The following SLAMF6 variants were observed in gnomAD, a reference collection of about 807,000 sequenced individuals.
SLAMF6 encodes NK-T-B-antigen.
SLAMF6 carries 21 observed loss-of-function variants against 38.3 expected under a neutral mutation model. The ratio of observed to expected loss-of-function variants is 0.55; its 90% CI spans 0.39 to 0.79. The LOEUF (loss-of-function observed/expected upper bound fraction) is 0.79. SLAMF6 is among the 30% of genes least tolerant of loss of function. SLAMF6 has a pLI of 0.00. For synonymous variants in SLAMF6, 152 were observed against 146.3 expected (o/e 1.04, Z -0.28); for missense variants, 341 against 385.3 (o/e 0.89, Z 0.96).
intron 1 of SLAMF6, among the ~76,000 whole-genome samples, chr1:160,521,298 T>TG (rs1293445663): frequency 2.0e-5 from 3 of 152,144 alleles, no homozygotes; most frequent in Non-Finnish European, 1.5e-5. Flanking sequence ...CCCATAAATG[T>TG]GGGGCAGTGA....
chr1:160,509,522 G>A (rs1654362189), intron 1 of SLAMF6, among the ~76,000 whole-genome samples: 1 of 151,762 alleles, frequency 6.6e-6, no homozygotes. Context: ...GGAGCTGGGG[G>A]AGGGATAGCA....
At chr1:160,502,783 T>C (rs1371860768) in intron 1 of SLAMF6, among the ~76,000 whole-genome samples, 1 of 152,138 alleles carries the variant, frequency 6.6e-6, no homozygotes, top group Non-Finnish European at 1.5e-5. Flanking sequence ...AACAGGAATA[T>C]AGCAAGCTGT....
rs1653235381 is a variant in SLAMF6, at chr1:160,490,646, A to C, written c.686T>G (p.Phe229Cys). Reference protein sequence around the residue: ...IQYTDTKMILFMVSGICIVFG... With the variant: ...IQYTDTKMILCMVSGICIVFG... ...GACTATGCATATCCCAGAAACCATA[A>C]ACAGAATCATTTTGGTATCTGTATA... is the stretch of plus-strand genomic sequence containing the variant. Residue 229 changes from phenylalanine to cysteine, a missense_variant, in exon 4 of 8, where the codon TTT becomes TGT. Physicochemically the swap from Phe to Cys is radical, Grantham distance 205. Transcript: ENST00000368057. The C allele has an allele frequency of 9.9e-6, 16 of 1,613,886 alleles. No homozygotes were observed. The highest frequency in any genetic ancestry group is 1.3e-5 in the Non-Finnish European group (15 of 1,179,870).
chr1:160,504,872 AC>A (rs1654101249), intron 1 of SLAMF6, among the ~76,000 whole-genome samples: 1 of 152,212 alleles, frequency 6.6e-6, no homozygotes, highest in Non-Finnish European at 1.5e-5. Flanking sequence ...CAGGGTGCAT[AC>A]TTAGAAAAGT....
rs1005658646 is a variant in SLAMF6, at chr1:160,494,735, G to A, written c.382+1326C>T. Among the ~76,000 whole-genome samples, 3 of 152,212 alleles carry A rather than the reference G, an allele frequency of 2.0e-5. No individual in the cohort carries two copies. In the East Asian group the frequency reaches 5.8e-4, roughly 30 times the overall value. ...CAGCCACAAGCCAAAGAAAACCAAG[G>A]AGTGTTGACAGCAACCAGAAGCTGG... On this transcript the variant is annotated intron_variant, in intron 2 of 7. Transcript: ENST00000368057.
chr1:160,508,221 A>G (rs958025794), intron 1 of SLAMF6, among the ~76,000 whole-genome samples: 2 of 152,234 alleles, frequency 1.3e-5, no homozygotes, highest in Non-Finnish European at 2.9e-5. Context: ...AGCAAAAAGA[A>G]CAAAGCTAGA....
At chr1:160,514,555 C>G (rs1654647254) in intron 1 of SLAMF6, among the ~76,000 whole-genome samples, 1 of 152,152 alleles carries the variant, frequency 6.6e-6, no homozygotes, top group African/African-American at 2.4e-5. Flanking sequence ...AATATTCATT[C>G]TATGCATTGC....
At chr1:160,520,703 T>C (rs915341107) in intron 1 of SLAMF6, among the ~76,000 whole-genome samples, 4 of 152,158 alleles carry the variant, frequency 2.6e-5, no homozygotes, top group African/African-American at 9.7e-5. Context: ...TTCAATATGG[T>C]TTGTCTTTTC....
At chr1:160,510,438 A>C (rs982168652) in intron 1 of SLAMF6, among the ~76,000 whole-genome samples, 1 of 152,214 alleles carries the variant, frequency 6.6e-6, no homozygotes, top group African/African-American at 2.4e-5. Context: ...GGTTCAATAC[A>C]TGAAAACCAA....
intron 7 of SLAMF6, 47 bp from the exon 8 acceptor site, chr1:160,486,801 C>A: frequency 6.2e-7 from 1 of 1,603,532 alleles, no homozygotes; most frequent in Non-Finnish European, 8.5e-7. Flanking sequence ...GAACTGGAAC[C>A]TCAGCCCACC....
intron 1 of SLAMF6, among the ~76,000 whole-genome samples, chr1:160,498,074 A>C (rs889628020): frequency 6.6e-6 from 1 of 152,076 alleles, no homozygotes; most frequent in Admixed American, 6.6e-5. Context: ...CCACAGTGAA[A>C]ATTTATATTT....
chr1:160,505,356 G>A (rs571459166), intron 1 of SLAMF6, among the ~76,000 whole-genome samples: 1 of 152,300 alleles, frequency 6.6e-6, no homozygotes, highest in African/African-American at 2.4e-5. Context: ...AACAGAAATT[G>A]TCCCTAAGGA....
Position 160,523,172 on chromosome 1 carries a change from C to T in SLAMF6, c.21G>A (p.Ser7=), listed in dbSNP as rs1655065137. 5 of 1,613,708 alleles carry T rather than the reference C, an allele frequency of 3.1e-6. No homozygotes were observed. The highest frequency in any genetic ancestry group is 2.7e-5 in the African/African-American group (2 of 75,002). The change falls in exon 1 of 8, where the codon TCG becomes TCA. Residue 7 remains serine, a synonymous_variant. Coordinates refer to ENST00000368057, the MANE Select transcript of SLAMF6 (RefSeq NM_001184714.2). MLWLFQ[S]LLFVFCFGPG... ...GGCCAAAGCAGAAGACAAACAGGAG[C>T]GATTGGAACAGCCACAACATGCTTT...
At chr1:160,496,527 A>G (rs1653590814) in intron 1 of SLAMF6, 134 bp from the exon 2 acceptor site, 1 of 843,154 alleles carries the variant, frequency 1.2e-6, no homozygotes, top group Admixed American at 2.6e-5. Flanking sequence ...CAGAGTAGGA[A>G]AGGGTAGGAG....
At position 160,516,486 on chromosome 1, in the gene SLAMF6, A is replaced by G. The variant is rs370676298; in HGVS notation, c.49+6658T>C. On this transcript the variant is annotated intron_variant, in intron 1 of 7. Transcript: ENST00000368057. ...TTAAACTATCATTGACATTTTTCAC[A>G]AAATTAGAAAAAACTATTTTAAAAT... Among the ~76,000 whole-genome samples, 58 of 152,316 alleles carry G rather than the reference A, an allele frequency of 3.8e-4. 2 individuals are homozygous for G. The South Asian group carries it at 0.012, about 31-fold the overall frequency.
chr1:160,500,289 G>A (rs1170860818), intron 1 of SLAMF6, among the ~76,000 whole-genome samples: 2 of 152,182 alleles, frequency 1.3e-5, no homozygotes, highest in East Asian at 1.9e-4. Flanking sequence ...TGGTCTATAA[G>A]GACCAAAATG....
chr1:160,491,458 C>A (rs760217700), intron 2 of SLAMF6, 70 bp from the exon 3 acceptor site: 35 of 1,551,612 alleles, frequency 2.3e-5, no homozygotes, highest in Non-Finnish European at 2.9e-5. Flanking sequence ...TGAAAAATAT[C>A]CTTCACCTCA....
chr1:160,489,829 T>C (rs925225443), intron 5 of SLAMF6, among the ~76,000 whole-genome samples: 2 of 152,194 alleles, frequency 1.3e-5, no homozygotes, highest in African/African-American at 4.8e-5. Context: ...AGACCCTGGC[T>C]GAACAGTAAT....
chr1:160,521,102 T>C lies in SLAMF6; in HGVS notation c.49+2042A>G, dbSNP rs533408845. 2.0e-5 allele frequency among the ~76,000 whole-genome samples: 3 copies of C among 152,264 alleles called. No individual in the cohort carries two copies. In the South Asian group the frequency reaches 6.2e-4, roughly 32 times the overall value. ...CTCACATTTTCTAATTATGTACACATTTGTGTGAATGTATGACTGTGTGTA... is the reference window on the plus strand; with the variant it reads ...CTCACATTTTCTAATTATGTACACACTTGTGTGAATGTATGACTGTGTGTA... On this transcript the variant is annotated intron_variant, in intron 1 of 7. Transcript: ENST00000368057.
Sources: gnomAD v4.1 joint callset for allele counts (sites outside exome capture counted in the v4.1 genomes callset) on GRCh38, gnomAD v4.1.1 for gene constraint, MANE v1.5 for transcripts, NCBI Gene and HGNC (gene_info 2026-07-23, HGNC 2026-07-21) for gene names.